The following CAMTA1 variants were observed in gnomAD, a reference collection of about 807,000 sequenced individuals.
CAMTA1 encodes calmodulin-binding transcription activator 1.
Under a neutral mutation model 170.9 loss-of-function variants are expected in CAMTA1, and 27 were observed. The ratio of observed to expected loss-of-function variants is 0.16; its 90% CI spans 0.12 to 0.22. The LOEUF is 0.22. CAMTA1 is among the 10% of genes least tolerant of loss of function. The probability of loss-of-function intolerance (pLI) is 1.00; values close to 1 mark genes in which losing one functional copy is unlikely to be tolerated. For missense variants in CAMTA1, 1,619 were observed against 2,217.2 expected (o/e 0.73, Z 5.42); for synonymous variants, 833 against 891.5 (o/e 0.93, Z 1.17).
chr1:7,499,879 A>G (rs1168352296), intron 6 of CAMTA1, among the ~76,000 whole-genome samples: 2 of 138,950 alleles, frequency 1.4e-5, no homozygotes, highest in Non-Finnish European at 3.1e-5. Context: ...GGATTGTGTG[A>G]GCCTGGTGTG....
rs573370918 is a variant in CAMTA1 at position 7,064,825 on chromosome 1, C to T, written c.235-26479C>T. Among the ~76,000 whole-genome samples, 2 of 152,152 alleles carry T rather than the reference C, an allele frequency of 1.3e-5. No homozygotes were observed. The highest frequency in any genetic ancestry group is 6.8e-3 in the Middle Eastern group (2 of 294). On this transcript the variant is annotated intron_variant, in intron 3 of 22. Coordinates refer to ENST00000303635, the MANE Select transcript of CAMTA1 (RefSeq NM_015215.4). This position sits in a 1 kb window ranked among gnomAD's most constrained non-coding sequence, Gnocchi z 5.4. ...GAGTCCATGGATGTATTCTGAGGTC[C>T]TGTTGGTCTAGGAGCTGGTTGGGTG...
intron 5 of CAMTA1, among the ~76,000 whole-genome samples, chr1:7,310,774 A>T (rs1250234574): frequency 6.9e-6 from 1 of 145,094 alleles, no homozygotes; most frequent in Admixed American, 7.0e-5. Context: ...TCTGTTGCCC[A>T]GGCTGGAGTG....
At chr1:7,752,796 C>T (rs2150179020) in intron 21 of CAMTA1, among the ~76,000 whole-genome samples, 1 of 152,316 alleles carries the variant, frequency 6.6e-6, no homozygotes, top group East Asian at 1.9e-4. Flanking sequence ...GGTGTGAGGT[C>T]AACTTAGTCG....
intron 4 of CAMTA1, among the ~76,000 whole-genome samples, chr1:7,172,605 A>T (rs1167806706): frequency 1.3e-5 from 2 of 152,216 alleles, no homozygotes; most frequent in Non-Finnish European, 2.9e-5. Context: ...ATTTCTGCAC[A>T]CACATCTGAT....
intron 7 of CAMTA1, among the ~76,000 whole-genome samples, chr1:7,644,620 A>G (rs75975098): frequency 0.074 from 11,224 of 152,214 alleles, 1,077 homozygotes; most frequent in African/African-American, 0.22. Flanking sequence ...AGCTCCTGCC[A>G]TTGCAACTGC....
chr1:6,844,332 A>G (rs1445193919), intron 3 of CAMTA1, among the ~76,000 whole-genome samples: 1 of 152,148 alleles, frequency 6.6e-6, no homozygotes, highest in Non-Finnish European at 1.5e-5. Context: ...AAATATATTT[A>G]CAATTTGTGC....
intron 5 of CAMTA1, among the ~76,000 whole-genome samples, chr1:7,366,457 G>A (rs1479770653): frequency 2.0e-5 from 3 of 152,346 alleles, no homozygotes; most frequent in East Asian, 1.9e-4. Flanking sequence ...TGCTGATGCT[G>A]GGTGAGTGTG....
chr1:7,016,118 C>G (rs538300586), intron 3 of CAMTA1, among the ~76,000 whole-genome samples: 4,700 of 152,208 alleles, frequency 0.031, 224 homozygotes, highest in African/African-American at 0.11. Flanking sequence ...CCCATCCTAA[C>G]CCCCCGAAAT....
At chr1:7,501,602 A>G (rs1394639516) in intron 6 of CAMTA1, among the ~76,000 whole-genome samples, 1 of 139,684 alleles carries the variant, frequency 7.2e-6, no homozygotes, top group Non-Finnish European at 1.6e-5. Context: ...TACTTTTGAA[A>G]TTCGGATAAA....
intron 7 of CAMTA1, among the ~76,000 whole-genome samples, chr1:7,654,589 C>T (rs908268004): frequency 2.6e-5 from 3 of 114,916 alleles, no homozygotes; most frequent in African/African-American, 9.3e-5. Flanking sequence ...TACATACACA[C>T]AGCTATACAC....
intron 3 of CAMTA1, among the ~76,000 whole-genome samples, chr1:6,921,831 A>T (rs945833529): frequency 9.9e-5 from 15 of 152,164 alleles, no homozygotes; most frequent in African/African-American, 3.4e-4. Context: ...CCGTCCCGCT[A>T]ATTCAGTCTT....
At chr1:6,850,035 A>AG (rs1491324379) in intron 3 of CAMTA1, among the ~76,000 whole-genome samples, 1 of 138,298 alleles carries the variant, frequency 7.2e-6, no homozygotes, top group African/African-American at 2.7e-5. Context: ...ACTTTGTCTC[A>AG]GAAAAAAAAA....
intron 5 of CAMTA1, among the ~76,000 whole-genome samples, chr1:7,298,913 C>T (rs1475089991): frequency 1.3e-5 from 2 of 152,152 alleles, no homozygotes; most frequent in Non-Finnish European, 2.9e-5. Flanking sequence ...TCCTTCCTCT[C>T]TCTTCCCTTG....
chr1:7,275,952 G>A (rs1670524552), intron 5 of CAMTA1, among the ~76,000 whole-genome samples: 1 of 151,904 alleles, frequency 6.6e-6, no homozygotes, highest in Non-Finnish European at 1.5e-5. Context: ...GAAAACTACA[G>A]ACCAATATCT....
intron 22 of CAMTA1, among the ~76,000 whole-genome samples, chr1:7,757,721 G>A (rs2096941179): frequency 6.6e-6 from 1 of 152,062 alleles, no homozygotes. Flanking sequence ...GGGCGACAGA[G>A]CAAGACTCTG....
intron 6 of CAMTA1, among the ~76,000 whole-genome samples, chr1:7,500,661 G>A (rs1398381356): frequency 3.9e-5 from 6 of 152,162 alleles, no homozygotes; most frequent in Admixed American, 1.3e-4. Context: ...CCGTGTTCCT[G>A]CCTGTGGTCG....
At chr1:7,469,606 C>T (rs771567353) in intron 6 of CAMTA1, among the ~76,000 whole-genome samples, 2 of 152,230 alleles carry the variant, frequency 1.3e-5, no homozygotes, top group East Asian at 1.9e-4. Context: ...GCCCTCCTGT[C>T]GGGGCAGCAC....
intron 6 of CAMTA1, among the ~76,000 whole-genome samples, chr1:7,545,726 T>G (rs1259624931): frequency 2.6e-5 from 4 of 152,140 alleles, no homozygotes; most frequent in Admixed American, 6.5e-5. Flanking sequence ...ACCCTGGATG[T>G]GCAGGTTTGT....
At chr1:7,432,314 G>A (rs749053342) in intron 5 of CAMTA1, among the ~76,000 whole-genome samples, 1 of 152,232 alleles carries the variant, frequency 6.6e-6, no homozygotes, top group Non-Finnish European at 1.5e-5. Flanking sequence ...AGGTCACACA[G>A]CCGGAAAGTA....
Sources: gnomAD v4.1 joint callset for allele counts (sites outside exome capture counted in the v4.1 genomes callset) on GRCh38, gnomAD v4.1.1 for gene constraint, Gnocchi (gnomAD v3.1) non-coding constraint, MANE v1.5 for transcripts, NCBI Gene and HGNC (gene_info 2026-07-23, HGNC 2026-07-21) for gene names.